Variants in OR51E1 observed in about 807,000 individuals in gnomAD.
OR51E1 encodes olfactory receptor family 51 subfamily E member 1.
OR51E1 carries 9 observed loss-of-function variants against 11.5 expected under a neutral mutation model. The observed-to-expected ratio is 0.78, with a 90% CI of 0.47 to 1.37. The LOEUF (loss-of-function observed/expected upper bound fraction) is 1.37, where lower values mean the gene tolerates loss of function less well. Ranked by LOEUF, OR51E1 falls within the 40% of genes most tolerant of loss-of-function variation. The probability of loss-of-function intolerance (pLI) is 0.00; values close to 1 mark genes in which losing one functional copy is unlikely to be tolerated. For synonymous variants in OR51E1, 168 were observed against 158.3 expected (o/e 1.06, Z -0.46); for missense variants, 397 against 410.2 (o/e 0.97, Z 0.28).
intron 1 of OR51E1, among the ~76,000 whole-genome samples, chr11:4,651,968 A>G (rs1301987977): frequency 1.3e-5 from 2 of 152,196 alleles, no homozygotes; most frequent in African/African-American, 4.8e-5. Context: ...AGTTAGGGTT[A>G]AGTCTAGAAT....
intron 1 of OR51E1, among the ~76,000 whole-genome samples, chr11:4,648,045 G>T (rs1847049942): frequency 6.6e-6 from 1 of 152,072 alleles, no homozygotes. Flanking sequence ...GACGCTTCAG[G>T]GCTGGCCAGT....
chr11:4,646,010 G>T (rs145214367), intron 1 of OR51E1, among the ~76,000 whole-genome samples: 22 of 152,304 alleles, frequency 1.4e-4, no homozygotes, highest in Non-Finnish European at 1.6e-4. Context: ...CTCACTAAGT[G>T]TTAGGGAAGG....
rs1165783679 is a variant in OR51E1, at chr11:4,654,807, A to G, written c.*1324A>G. The G allele has an allele frequency of 6.0e-6, 1 of 167,162 alleles. No homozygotes were observed. Among genetic ancestry groups the G allele is most frequent in the Non-Finnish European group, 1.5e-5 (1 of 68,130 alleles). 10.4% of individuals were successfully genotyped at this position (167,162 alleles called of 1,614,324 possible). A position where few individuals can be genotyped will look rare whatever the true frequency, so the allele number is the denominator to read the frequency against. On this transcript the variant is annotated 3_prime_UTR_variant, in exon 2 of 2. Coordinates refer to ENST00000396952, the MANE Select transcript of OR51E1 (RefSeq NM_152430.4). ...CTATTACCAAGGGTTAATAGGTTTC[A>G]TCTTCAACAGGATATGACAACAGTG...
rs777401093 is a variant in OR51E1 at position 4,652,792 on chromosome 11, G to T, written c.266G>T (p.Trp89Leu). The change falls in exon 2 of 2, where the codon TGG becomes TTG. Residue 89 changes from tryptophan (W) to leucine (L), a missense_variant. Coordinates refer to ENST00000396952, the MANE Select transcript of OR51E1 (RefSeq NM_152430.4). ...SSMPKMLAIFWFNSTTIQFDA... is the reference protein window; with the variant it reads ...SSMPKMLAIFLFNSTTIQFDA... ...ATGCCCAAAATGCTGGCCATCTTCTGGTTCAATTCCACTACCATCCAGTTT... is the reference window on the plus strand; with the variant it reads ...ATGCCCAAAATGCTGGCCATCTTCTTGTTCAATTCCACTACCATCCAGTTT... 4 of 1,614,116 alleles carry T rather than the reference G, an allele frequency of 2.5e-6. No individual in the cohort carries two copies. The highest frequency in any genetic ancestry group is 1.1e-5 in the South Asian group (1 of 91,072).
intron 1 of OR51E1, among the ~76,000 whole-genome samples, chr11:4,646,918 T>C (rs1430145097): frequency 2.0e-5 from 3 of 152,198 alleles, no homozygotes; most frequent in Non-Finnish European, 4.4e-5. Context: ...CCTGTTAAAC[T>C]TTGGTTATGT....
intron 1 of OR51E1, among the ~76,000 whole-genome samples, chr11:4,644,459 G>A (rs1446345877): frequency 1.3e-5 from 2 of 152,036 alleles, no homozygotes; most frequent in Non-Finnish European, 2.9e-5. Flanking sequence ...AGCTGGGGTG[G>A]AAGTGGGGCT....
chr11:4,650,541 A>T (rs948040137), intron 1 of OR51E1, among the ~76,000 whole-genome samples: 2 of 152,082 alleles, frequency 1.3e-5, no homozygotes, highest in Non-Finnish European at 2.9e-5. Context: ...TCATGCTCCC[A>T]TTGTTTTCCC....
chr11:4,644,742 T>G (rs1847007412), intron 1 of OR51E1, among the ~76,000 whole-genome samples: 1 of 152,140 alleles, frequency 6.6e-6, no homozygotes, highest in Non-Finnish European at 1.5e-5. Context: ...CAGGATGTAT[T>G]TTTAAAAACA....
At chr11:4,645,263 T>C (rs1589860313) in intron 1 of OR51E1, among the ~76,000 whole-genome samples, 2 of 152,200 alleles carry the variant, frequency 1.3e-5, no homozygotes, top group Admixed American at 1.3e-4. Flanking sequence ...ACTCAATATG[T>C]TTTTGTTGTC....
intron 1 of OR51E1, among the ~76,000 whole-genome samples, chr11:4,651,098 T>A (rs1847091451): frequency 6.6e-6 from 1 of 152,216 alleles, no homozygotes. Flanking sequence ...CAATCTGAGA[T>A]GACCCAAGTC....
At position 4,652,743 on chromosome 11, in the gene OR51E1, G is replaced by T. The variant is rs1772474212; in HGVS notation, c.217G>T (p.Asp73Tyr). The T allele has an allele frequency of 6.2e-7, 1 of 1,614,004 alleles. No individual in the cohort carries two copies. The highest frequency in any genetic ancestry group is 1.3e-5 in the African/African-American group (1 of 74,926). ...ATTTCTTTGCATGCTTTCAGGCATT[G>T]ACATCCTCATCTCCACCTCATCCAT... The part of the protein sequence containing the change: ...YIFLCMLSGI[D>Y]ILISTSSMPK... The change falls in exon 2 of 2, where the codon GAC (aspartate) becomes TAC (tyrosine). Residue 73 changes from aspartate to tyrosine, a missense_variant. Transcript: ENST00000396952.
At chr11:4,651,724 C>A (rs1847101012) in intron 1 of OR51E1, among the ~76,000 whole-genome samples, 1 of 152,212 alleles carries the variant, frequency 6.6e-6, no homozygotes, top group Non-Finnish European at 1.5e-5. Context: ...TCCACTAGAG[C>A]CATCATTCTT....
chr11:4,647,801 C>G (rs1348664738), intron 1 of OR51E1, among the ~76,000 whole-genome samples: 1 of 152,048 alleles, frequency 6.6e-6, no homozygotes, highest in Non-Finnish European at 1.5e-5. Flanking sequence ...AATCTCAGCA[C>G]AGGGCTATTC....
At chr11:4,645,295 C>T (rs981334577) in intron 1 of OR51E1, among the ~76,000 whole-genome samples, 1 of 152,168 alleles carries the variant, frequency 6.6e-6, no homozygotes, top group Non-Finnish European at 1.5e-5. Flanking sequence ...TGCTGTGCCC[C>T]ACCCCATTAA....
chr11:4,653,732 T>G lies in OR51E1; in HGVS notation c.*249T>G, dbSNP rs1398470733. ...AGGGTTATTACTTTTCATTTTACCA[T>G]GCAGTCCAAATCTAAACTGCTTCTA... On this transcript the variant is annotated 3_prime_UTR_variant, in exon 2 of 2. Transcript: ENST00000396952. 2.5e-6 allele frequency: 1 copy of G among 406,504 alleles called. No individual in the cohort carries two copies. Among genetic ancestry groups the G allele is most frequent in the Admixed American group, 4.2e-5 (1 of 23,766 alleles). The allele number at this position is 406,504 out of a possible 1,614,324, so 25.2% of individuals were successfully genotyped here.
Position 4,645,837 on chromosome 11 carries a change from G to A in OR51E1, c.-40+1807G>A, listed in dbSNP as rs1021093169. On this transcript the variant is annotated intron_variant, in intron 1 of 1. Transcript: ENST00000396952. ...GGTGAGGGCTCACTTGGCTTTTTGG[G>A]AGTTAGAAGTTGCTCTCTCTCATCT... 4.6e-5 allele frequency among the ~76,000 whole-genome samples: 7 copies of A among 152,136 alleles called. No homozygotes were observed. In the East Asian group the frequency reaches 1.2e-3, roughly 25 times the overall value.
chr11:4,646,139 T>TCTAC (rs989306489), intron 1 of OR51E1, among the ~76,000 whole-genome samples: 1 of 152,216 alleles, frequency 6.6e-6, no homozygotes, highest in African/African-American at 2.4e-5. Flanking sequence ...CCCAGGTATG[T>TCTAC]CTGGGCTTCT....
intron 1 of OR51E1, among the ~76,000 whole-genome samples, chr11:4,646,308 T>C (rs770986770): frequency 7.2e-5 from 11 of 152,016 alleles, no homozygotes; most frequent in Non-Finnish European, 1.3e-4. Context: ...TGAACCTAAG[T>C]GGGGAGAGCT....
rs146943434 is a variant in OR51E1 at position 4,652,663 on chromosome 11, T to A, written c.137T>A (p.Leu46Ter). Reference sequence around the variant, plus strand: ...TACCTTATTGCTGTGCTAGGTAACTTGACAATCATCTACATTGTGCGGACT... The same window carrying A: ...TACCTTATTGCTGTGCTAGGTAACTAGACAATCATCTACATTGTGCGGACT... Reference protein sequence around the residue: ...SLYLIAVLGNLTIIYIVRTEH... With the variant: ...SLYLIAVLGN Residue 46 changes from leucine to a stop codon, truncating the protein, a stop_gained, in exon 2 of 2, where the codon TTG (leucine) becomes TAG (stop). Coordinates refer to ENST00000396952, the MANE Select transcript of OR51E1 (RefSeq NM_152430.4). LOFTEE classifies it high-confidence loss of function. The A allele has an allele frequency of 6.2e-7, 1 of 1,614,156 alleles. No individual in the cohort carries two copies. The highest frequency in any genetic ancestry group is 2.2e-5 in the East Asian group (1 of 44,886).
Sources: allele counts gnomAD v4.1 joint callset (sites outside exome capture counted in the v4.1 genomes callset), GRCh38; gene constraint gnomAD v4.1.1; transcripts MANE v1.5; gene names NCBI Gene and HGNC (gene_info 2026-07-23, HGNC 2026-07-21).